The following KIF16B variants were observed in gnomAD, a reference collection of about 807,000 sequenced individuals.
KIF16B encodes the protein kinesin-like protein KIF16B.
Under a neutral mutation model 156.3 loss-of-function variants are expected in KIF16B, and 98 were observed. The ratio of observed to expected loss-of-function variants is 0.63; its 90% CI spans 0.53 to 0.74. The LOEUF (loss-of-function observed/expected upper bound fraction) is 0.74, where lower values mean the gene tolerates loss of function less well. Among genes scored for constraint, KIF16B ranks in the 30% least tolerant of loss-of-function variants. KIF16B has a pLI of 0.00. For missense variants in KIF16B, 1,421 were observed against 1,606.5 expected, an observed-to-expected ratio of 0.88 and a Z score of 1.97; for synonymous variants, 564 against 583.7, an observed-to-expected ratio of 0.97 and a Z score of 0.49.
intron 10 of KIF16B, among the ~76,000 whole-genome samples, chr20:16,500,826 T>G (rs2068600538): frequency 6.6e-6 from 1 of 152,196 alleles, no homozygotes; most frequent in African/African-American, 2.4e-5. Flanking sequence ...AAAATTTATC[T>G]TTAACCTCAG....
intron 22 of KIF16B, among the ~76,000 whole-genome samples, chr20:16,365,179 A>G (rs1301179967): frequency 6.6e-6 from 1 of 152,190 alleles, no homozygotes; most frequent in Non-Finnish European, 1.5e-5. Context: ...ATGAGAAAAT[A>G]CTGGATGGAA....
chr20:16,409,962 TATATATAC>T (rs1263711700), intron 15 of KIF16B, among the ~76,000 whole-genome samples: 309 of 30,288 alleles, frequency 0.01, 28 homozygotes, highest in African/African-American at 0.025. Flanking sequence ...TATATATATA[TATATATAC>T]ATATATATAT....
At chr20:16,460,756 T>G (rs1300614252) in intron 12 of KIF16B, among the ~76,000 whole-genome samples, 1 of 152,040 alleles carries the variant, frequency 6.6e-6, no homozygotes, top group African/African-American at 2.4e-5. Context: ...AGTATTATGT[T>G]TATTAATACA....
chr20:16,282,011 CT>C (rs1432065914), intron 25 of KIF16B, among the ~76,000 whole-genome samples: 2 of 147,912 alleles, frequency 1.4e-5, no homozygotes, highest in Non-Finnish European at 3.0e-5. Context: ...GCTGGGCATT[CT>C]TTTTTTTCTT....
At chr20:16,437,527 C>T (rs2066674299) in intron 12 of KIF16B, among the ~76,000 whole-genome samples, 1 of 152,150 alleles carries the variant, frequency 6.6e-6, no homozygotes, top group African/African-American at 2.4e-5. Flanking sequence ...AGTGACACCC[C>T]TTGAGAGTCA....
chr20:16,399,159 G>C (rs557417247), intron 17 of KIF16B, among the ~76,000 whole-genome samples: 5 of 152,112 alleles, frequency 3.3e-5, no homozygotes, highest in Admixed American at 1.3e-4. Flanking sequence ...TCCAGACTCC[G>C]CACTTCTCAG....
intron 17 of KIF16B, among the ~76,000 whole-genome samples, chr20:16,400,077 G>A (rs988853353): frequency 5.9e-5 from 9 of 152,200 alleles, no homozygotes; most frequent in South Asian, 2.1e-4. Context: ...GACTGACTGG[G>A]TTTTGAGAAA....
chr20:16,336,049 T>G (rs1411534458), intron 23 of KIF16B, 34 bp from the exon 24 acceptor site: 1 of 1,303,476 alleles, frequency 7.7e-7, no homozygotes, highest in South Asian at 1.3e-5. Context: ...GAATAAGCAT[T>G]AAGAAGCAAA....
chr20:16,404,705 G>A (rs6111095), intron 17 of KIF16B, 108 bp downstream of exon 17: 1 of 765,044 alleles, frequency 1.3e-6, no homozygotes, highest in East Asian at 2.7e-5. Context: ...GATTTGATAA[G>A]GAGGCGCCGT....
At position 16,275,964 on chromosome 20, in the gene KIF16B, G is replaced by A. The variant is rs16997491; in HGVS notation, c.3796-2553C>T. Among the ~76,000 whole-genome samples, 585 of 152,326 alleles carry A rather than the reference G, an allele frequency of 3.8e-3. 3 individuals carry two copies. The highest frequency in any genetic ancestry group is 0.014 in the African/African-American group (572 of 41,578). ...TCAAGGGTGAGATGATTTGGAAAACGGGAGATGCAGAGCTTGCTGACTTGT... is the reference window on the plus strand; with the variant it reads ...TCAAGGGTGAGATGATTTGGAAAACAGGAGATGCAGAGCTTGCTGACTTGT... On this transcript the variant is annotated intron_variant, in intron 25 of 25. Transcript: ENST00000354981.
intron 12 of KIF16B, among the ~76,000 whole-genome samples, chr20:16,485,793 G>A (rs982846825): frequency 6.6e-6 from 1 of 152,022 alleles, no homozygotes; most frequent in African/African-American, 2.4e-5. Flanking sequence ...ATATTGCAAG[G>A]GCTTTTCAAA....
chr20:16,304,561 T>C (rs879535673), intron 25 of KIF16B, among the ~76,000 whole-genome samples: 22 of 152,070 alleles, frequency 1.4e-4, no homozygotes, highest in Admixed American at 1.4e-3. Context: ...AATAACCAGA[T>C]AACCAGAAGA....
intron 22 of KIF16B, among the ~76,000 whole-genome samples, chr20:16,357,238 T>G (rs2064461402): frequency 6.6e-6 from 1 of 152,220 alleles, no homozygotes; most frequent in East Asian, 1.9e-4. Flanking sequence ...ATAGTTAGCA[T>G]TTATTGGATA....
chr20:16,450,251 T>TA (rs1352169519), intron 12 of KIF16B, among the ~76,000 whole-genome samples: 1 of 152,126 alleles, frequency 6.6e-6, no homozygotes, highest in Non-Finnish European at 1.5e-5. Context: ...CAAATACCTA[T>TA]ACACACGCCT....
At chr20:16,370,505 A>C in intron 22 of KIF16B, 81 bp downstream of exon 22, 1 of 1,169,198 alleles carries the variant, frequency 8.6e-7, no homozygotes, top group Non-Finnish European at 1.2e-6. Context: ...CTAATTATGC[A>C]ACTAGACATT....
At chr20:16,538,979 A>C (rs2070088641) in intron 1 of KIF16B, among the ~76,000 whole-genome samples, 1 of 152,140 alleles carries the variant, frequency 6.6e-6, no homozygotes, top group South Asian at 2.1e-4. Context: ...TTCAGCCATG[A>C]GTAATAGCTT....
rs867278823 is a variant in KIF16B at position 16,379,482 on chromosome 20, C to T, written c.2520G>A (p.Glu840=). 1.2e-6 allele frequency: 2 copies of T among 1,614,162 alleles called. No individual in the cohort carries two copies. The highest frequency in any genetic ancestry group is 1.7e-6 in the Non-Finnish European group (2 of 1,180,032). ...RRQLVKLVNL[E]KDLVQQKDIL... is the part of the protein sequence containing the mutation. ...TGTCTTTCTGCTGAACCAGGTCCTTCTCCAAGTTCACTAGCTTGACAAGCT... is the reference window on the plus strand; with the variant it reads ...TGTCTTTCTGCTGAACCAGGTCCTTTTCCAAGTTCACTAGCTTGACAAGCT... Residue 840 remains glutamate, a synonymous_variant, in exon 19 of 26, where the codon GAG becomes GAA. Coordinates refer to ENST00000354981, the MANE Select transcript of KIF16B (RefSeq NM_024704.5).
At chr20:16,424,132 A>G (rs1466125364) in intron 15 of KIF16B, among the ~76,000 whole-genome samples, 1 of 152,154 alleles carries the variant, frequency 6.6e-6, no homozygotes, top group East Asian at 1.9e-4. Flanking sequence ...TCACTGAGGG[A>G]TCACTGAGTG....
At chr20:16,303,730 C>CT (rs2063503793) in intron 25 of KIF16B, among the ~76,000 whole-genome samples, 1 of 152,184 alleles carries the variant, frequency 6.6e-6, no homozygotes, top group African/African-American at 2.4e-5. Context: ...ACATAAAATA[C>CT]TTTGTAACAA....
Sources: allele counts gnomAD v4.1 joint callset (sites outside exome capture counted in the v4.1 genomes callset), GRCh38; gene constraint gnomAD v4.1.1; transcripts MANE v1.5; gene names NCBI Gene and HGNC (gene_info 2026-07-23, HGNC 2026-07-21).